USO1: variants seen among roughly 807,000 people sequenced by gnomAD.
USO1 encodes USO1 vesicle transport factor.
Under a neutral mutation model 124.5 loss-of-function variants are expected in USO1, and 57 were observed. That is an observed-to-expected ratio of 0.46 (90% CI 0.37 to 0.57). The LOEUF (loss-of-function observed/expected upper bound fraction) is 0.57, where lower values mean the gene tolerates loss of function less well. Ranked by LOEUF, USO1 falls within the 20% of genes least tolerant of loss-of-function variation. USO1 has a pLI of 0.00. For synonymous variants in USO1, 369 were observed against 362.8 expected, an observed-to-expected ratio of 1.02 and a Z score of -0.19; for missense variants, 900 against 1,040.6, an observed-to-expected ratio of 0.86 and a Z score of 1.86.
intron 17 of USO1, among the ~76,000 whole-genome samples, chr4:75,801,413 G>A (rs1040344355): frequency 2.6e-5 from 4 of 152,182 alleles, no homozygotes; most frequent in Admixed American, 2.0e-4. Context: ...GGATAAAGAT[G>A]AAACTACAAT....
At chr4:75,744,967 AT>A in intron 1 of USO1, 2 of 484,448 alleles carry the variant, frequency 4.1e-6, no homozygotes, top group African/African-American at 2.0e-5. Context: ...CAGATGTCTT[AT>A]TTTTTAGGAC....
In USO1 at chr4:75,795,246, A is replaced by C. The variant is rs1035138445; in HGVS notation, c.1452+1345A>C. 3.5e-5 allele frequency: 24 copies of C among 691,672 alleles called. No individual in the cohort carries two copies. The East Asian group carries it at 5.1e-4, about 15-fold the overall frequency. 42.8% of individuals were successfully genotyped at this position (691,672 alleles called of 1,614,324 possible). On this transcript the variant is annotated intron_variant, in intron 13 of 23. Transcript: ENST00000514213. ...ATTATTGGCTTGAGTTTGTAGAGAG[A>C]CTATGAAAAAGTATTTGAGGGATTT...
intron 10 of USO1, 131 bp downstream of exon 10, chr4:75,787,333 C>G: frequency 8.4e-7 from 1 of 1,194,052 alleles, no homozygotes; most frequent in Non-Finnish European, 1.1e-6. Context: ...AATGATCTTA[C>G]TAAAATATAA....
intron 10 of USO1, among the ~76,000 whole-genome samples, 174 bp from the exon 11 acceptor site, chr4:75,789,976 A>G (rs908550790): frequency 6.6e-6 from 1 of 150,938 alleles, no homozygotes; most frequent in Non-Finnish European, 1.5e-5. Context: ...GGGATATAAG[A>G]TTTTTTTTCA....
chr4:75,762,438 A>G (rs936040445), intron 4 of USO1, among the ~76,000 whole-genome samples: 7 of 151,822 alleles, frequency 4.6e-5, no homozygotes, highest in Admixed American at 3.3e-4. Context: ...TTGGGATTAC[A>G]GGCATGAGCC....
At chr4:75,802,588 A>G (rs758423575) in intron 17 of USO1, among the ~76,000 whole-genome samples, 5 of 152,192 alleles carry the variant, frequency 3.3e-5, no homozygotes, top group South Asian at 2.1e-4. Flanking sequence ...ATTCTCCAAA[A>G]TTCAGGAAAA....
At chr4:75,756,507 A>ATT (rs5859475) in intron 3 of USO1, among the ~76,000 whole-genome samples, 73,355 of 135,120 alleles carry the variant, frequency 0.54, 21,357 homozygotes, top group East Asian at 0.8. Context: ...TTTCATAATA[A>ATT]TTTTTTTTTT....
chr4:75,732,420 C>G (rs187787495), intron 1 of USO1, among the ~76,000 whole-genome samples: 13 of 152,126 alleles, frequency 8.5e-5, no homozygotes, highest in Admixed American at 8.5e-4. Context: ...TGATGGACAC[C>G]TAGGTTGACT....
At chr4:75,784,834 G>A (rs931517886) in intron 9 of USO1, among the ~76,000 whole-genome samples, 1 of 151,576 alleles carries the variant, frequency 6.6e-6, no homozygotes, top group African/African-American at 2.4e-5. Context: ...AGTACAGCAT[G>A]TAAACAGAAA....
intron 1 of USO1, among the ~76,000 whole-genome samples, chr4:75,732,374 A>T (rs11943497): frequency 1.3e-5 from 2 of 151,984 alleles, no homozygotes; most frequent in Non-Finnish European, 2.9e-5. Context: ...ATTCCATGGC[A>T]TATATGTACT....
chr4:75,787,669 G>A (rs1466365818), intron 10 of USO1, among the ~76,000 whole-genome samples: 7 of 152,048 alleles, frequency 4.6e-5, no homozygotes, highest in African/African-American at 1.4e-4. Context: ...AAATTAACAC[G>A]TGCAATATCG....
intron 8 of USO1, among the ~76,000 whole-genome samples, chr4:75,779,297 C>G (rs1722156105): frequency 6.6e-6 from 1 of 152,024 alleles, no homozygotes; most frequent in Non-Finnish European, 1.5e-5. Flanking sequence ...TCTAAGTGTT[C>G]AAGTGAAAGA....
At chr4:75,728,565 G>A (rs915663390) in intron 1 of USO1, among the ~76,000 whole-genome samples, 4 of 152,138 alleles carry the variant, frequency 2.6e-5, no homozygotes, top group Admixed American at 1.3e-4. Flanking sequence ...CAGGAGAATC[G>A]AGGCGGTGGT....
At chr4:75,776,474 C>T (rs1247781375) in intron 8 of USO1, among the ~76,000 whole-genome samples, 1 of 151,970 alleles carries the variant, frequency 6.6e-6, no homozygotes, top group Non-Finnish European at 1.5e-5. Context: ...GCAGAGATGA[C>T]CAGAGAGGTG....
Position 75,726,301 on chromosome 4 carries a change from A to G in USO1, c.66+1416A>G, listed in dbSNP as rs1003689301. Reference sequence around the variant, plus strand: ...TGTCTCAAAAAAAAAAAAAAAAAAAAGGGGTGAAGTAACTTGACCAATGTC... The same window carrying G: ...TGTCTCAAAAAAAAAAAAAAAAAAAGGGGGTGAAGTAACTTGACCAATGTC... On this transcript the variant is annotated intron_variant, in intron 1 of 23. Transcript: ENST00000514213. Among the ~76,000 whole-genome samples, 1,181 of 148,426 alleles carry G rather than the reference A, an allele frequency of 8.0e-3. 27 individuals carry two copies. The highest frequency in any genetic ancestry group is 0.069 in the East Asian group (324 of 4,716).
rs1426166999 is a variant in USO1 at position 75,808,988 on chromosome 4, A to G, written c.2412A>G (p.Gln804=). The G allele has an allele frequency of 6.2e-7, 1 of 1,605,000 alleles. No individual in the cohort carries two copies. ...CTTTAAAGTCTCAGTTAAACTCACAATCTGTGGAGATCACCAAACTACAGA... is the reference window on the plus strand; with the variant it reads ...CTTTAAAGTCTCAGTTAAACTCACAGTCTGTGGAGATCACCAAACTACAGA... ...LATLKSQLNS[Q]SVEITKLQTE... The change falls in exon 21 of 24, where the codon CAA becomes CAG. Residue 804 remains glutamine (Q), a synonymous_variant. Coordinates refer to ENST00000514213, the MANE Select transcript of USO1 (RefSeq NM_003715.4).
At chr4:75,769,063 TC>T (rs1456924543) in intron 4 of USO1, among the ~76,000 whole-genome samples, 1 of 152,124 alleles carries the variant, frequency 6.6e-6, no homozygotes, top group African/African-American at 2.4e-5. Context: ...GAATCACTCT[TC>T]CTTTTCTTTC....
chr4:75,726,389 A>G (rs549963323), intron 1 of USO1, among the ~76,000 whole-genome samples: 56 of 151,852 alleles, frequency 3.7e-4, no homozygotes, highest in Non-Finnish European at 5.1e-4. Flanking sequence ...CCTTCACTTT[A>G]TTGCTCATGC....
At chr4:75,804,029 T>C (rs974183362) in intron 17 of USO1, 105 bp from the exon 18 acceptor site, 9 of 1,439,854 alleles carry the variant, frequency 6.3e-6, no homozygotes, top group Non-Finnish European at 8.3e-6. Context: ...TGTTAAGCAC[T>C]TTAGCATACT....
Sources: gnomAD v4.1 joint callset for allele counts (sites outside exome capture counted in the v4.1 genomes callset) on GRCh38, gnomAD v4.1.1 for gene constraint, MANE v1.5 for transcripts, NCBI Gene and HGNC (gene_info 2026-07-23, HGNC 2026-07-21) for gene names.